NMU: variants seen among roughly 807,000 people sequenced by gnomAD.
NMU encodes neuromedin U.
Under a neutral mutation model 35.4 loss-of-function variants are expected in NMU, and 29 were observed. The observed-to-expected ratio is 0.82, with a 90% CI of 0.61 to 1.12. The LOEUF (loss-of-function observed/expected upper bound fraction) is 1.12, where lower values mean the gene tolerates loss of function less well. Among genes scored for constraint, NMU ranks in the 50% most tolerant of loss-of-function variants. NMU has a pLI of 0.00. For synonymous variants in NMU, 78 were observed against 81.3 expected (o/e 0.96, Z 0.22); for missense variants, 199 against 206.2 (o/e 0.97, Z 0.21).
At chr4:55,609,702 G>A (rs1316377720) in intron 3 of NMU, among the ~76,000 whole-genome samples, 1 of 152,200 alleles carries the variant, frequency 6.6e-6, no homozygotes, top group Non-Finnish European at 1.5e-5. Flanking sequence ...CCAGATTGCT[G>A]ACTGCACAGC....
chr4:55,600,159 G>T (rs74945682), intron 8 of NMU, among the ~76,000 whole-genome samples: 1 of 151,974 alleles, frequency 6.6e-6, no homozygotes, highest in African/African-American at 2.4e-5. Context: ...GAAAGTATTC[G>T]TAACTCTTCC....
chr4:55,603,212 A>G lies in NMU; in HGVS notation c.435+2063T>C, dbSNP rs903244281. 3.3e-5 allele frequency among the ~76,000 whole-genome samples: 5 copies of G among 152,090 alleles called. No individual in the cohort carries two copies. In the East Asian group the frequency reaches 9.7e-4, roughly 29 times the overall value. On this transcript the variant is annotated intron_variant, in intron 7 of 9. Coordinates refer to ENST00000264218, the MANE Select transcript of NMU (RefSeq NM_006681.4). The stretch of plus-strand genomic sequence containing the variant: ...TTTTTAGTAGAGACGGGATTTCATC[A>G]TGATGGACAGGCTGGTCTCAAACTC...
intron 2 of NMU, among the ~76,000 whole-genome samples, chr4:55,618,940 G>T: frequency 6.7e-6 from 1 of 149,050 alleles, no homozygotes; most frequent in East Asian, 2.0e-4. Flanking sequence ...TACAATAAGG[G>T]CTCACTGCAG....
chr4:55,604,679 A>AT lies in NMU; in HGVS notation c.435+595dup, dbSNP rs767568542. 3.1e-3 allele frequency among the ~76,000 whole-genome samples: 149 copies of AT among 47,608 alleles called. 8 individuals are homozygous for AT. The highest frequency in any genetic ancestry group is 0.011 in the African/African-American group (96 of 8,584). 31.2% of individuals were successfully genotyped at this position (47,608 alleles called of 152,430 possible). A position where few individuals can be genotyped will look rare whatever the true frequency, so the allele number is the denominator to read the frequency against. On this transcript the variant is annotated intron_variant, in intron 7 of 9. Transcript: ENST00000264218. ...AGGCATGCGCCAATATGCCTGGCTAATTTTTTTTTTTTTTTTTTTTTTTTT... is the reference window on the plus strand; with the variant it reads ...AGGCATGCGCCAATATGCCTGGCTAATTTTTTTTTTTTTTTTTTTTTTTTTT...
intron 9 of NMU, among the ~76,000 whole-genome samples, chr4:55,597,771 T>C (rs1287200058): frequency 6.6e-6 from 1 of 152,190 alleles, no homozygotes; most frequent in African/African-American, 2.4e-5. Flanking sequence ...ACCTACTTTA[T>C]TAGACAATCC....
At chr4:55,610,679 G>C (rs1733896645) in intron 3 of NMU, among the ~76,000 whole-genome samples, 1 of 152,006 alleles carries the variant, frequency 6.6e-6, no homozygotes, top group African/African-American at 2.4e-5. Context: ...AAATTCTTGG[G>C]ATATTTATTA....
chr4:55,614,762 G>C (rs1471092778), intron 3 of NMU, among the ~76,000 whole-genome samples: 1 of 152,162 alleles, frequency 6.6e-6, no homozygotes, highest in Non-Finnish European at 1.5e-5. Context: ...TAGTACTAAA[G>C]AACTAGAAGT....
At position 55,607,353 on chromosome 4, in the gene NMU, T is replaced by C. The variant is rs1276244276; in HGVS notation, c.310-5A>G. ...CTTCGAATAATGAAATAAGAACTGT[T>C]TAAAAAAAGCAGTAAGTTTTACTAT... On this transcript the variant is annotated splice_region_variant and splice_polypyrimidine_tract_variant and intron_variant, in intron 5 of 9. Transcript: ENST00000264218. 3 of 1,599,326 alleles carry C rather than the reference T, an allele frequency of 1.9e-6. No individual in the cohort carries two copies. The highest frequency in any genetic ancestry group is 1.7e-6 in the Non-Finnish European group (2 of 1,167,234).
At chr4:55,601,594 T>A (rs1052367781) in intron 7 of NMU, among the ~76,000 whole-genome samples, 2 of 152,080 alleles carry the variant, frequency 1.3e-5, no homozygotes, top group Non-Finnish European at 2.9e-5. Flanking sequence ...AAAATATGTA[T>A]AACTATAATA....
intron 3 of NMU, among the ~76,000 whole-genome samples, chr4:55,614,326 T>G (rs908082931): frequency 6.6e-6 from 1 of 152,134 alleles, no homozygotes; most frequent in African/African-American, 2.4e-5. Flanking sequence ...ACCATATTTA[T>G]ATGGTTTTTA....
chr4:55,595,641 A>T (rs202058621), intron 9 of NMU, among the ~76,000 whole-genome samples: 6,473 of 63,034 alleles, frequency 0.1, 226 homozygotes, highest in East Asian at 0.17. Context: ...ATATATATAT[A>T]TATTTTTTTT....
chr4:55,633,181 C>G (rs1236915235), intron 1 of NMU, among the ~76,000 whole-genome samples: 2 of 151,690 alleles, frequency 1.3e-5, no homozygotes, highest in Non-Finnish European at 2.9e-5. Context: ...AAAAATTAGC[C>G]GGGCATGGTG....
chr4:55,636,359 C>A, upstream of NMU: 2 of 1,058,680 alleles, frequency 1.9e-6, no homozygotes, highest in South Asian at 5.2e-5. This position sits in a 1 kb window ranked among gnomAD's most constrained non-coding sequence, Gnocchi z 4.0. Flanking sequence ...GCTGCGCGGT[C>A]CCCGCCGCGC....
intron 7 of NMU, among the ~76,000 whole-genome samples, chr4:55,604,211 G>A (rs1299108942): frequency 9.4e-5 from 14 of 149,072 alleles, no homozygotes; most frequent in Admixed American, 6.7e-4. Context: ...GATCACAGGC[G>A]CCCACCGCCA....
chr4:55,619,568 G>T lies in NMU; in HGVS notation c.172-3183C>A, dbSNP rs1398282908. 2.1e-4 allele frequency among the ~76,000 whole-genome samples: 30 copies of T among 141,214 alleles called. 1 individual carries two copies. The East Asian group carries it at 5.7e-3, about 27-fold the overall frequency. The allele number at this position is 141,214 out of a possible 152,430, so 92.6% of individuals were successfully genotyped here. ...ACAGCAGTCTGAGATCAAACTGCAA[G>T]GCGGCAGCGAGGCTGGGGGAGGGGC... On this transcript the variant is annotated intron_variant, in intron 2 of 9. Coordinates refer to ENST00000264218, the MANE Select transcript of NMU (RefSeq NM_006681.4).
At chr4:55,604,993 T>G (rs1733620321) in intron 7 of NMU, among the ~76,000 whole-genome samples, 3 of 152,134 alleles carry the variant, frequency 2.0e-5, no homozygotes, top group Admixed American at 1.3e-4. Flanking sequence ...AGAATAGATT[T>G]TCTCACCAAA....
Position 55,616,340 on chromosome 4 carries a change from G to A in NMU, c.217C>T (p.Gln73Ter), listed in dbSNP as rs374011452. 5.0e-6 allele frequency: 8 copies of A among 1,610,124 alleles called. No individual in the cohort carries two copies. Among genetic ancestry groups the A allele is most frequent in the Non-Finnish European group, 6.8e-6 (8 of 1,176,584 alleles). The change falls in exon 3 of 10, where the codon CAG (glutamine) becomes TAG (stop). Residue 73 changes from glutamine (Q) to a stop codon, truncating the protein, a stop_gained and splice_region_variant. Coordinates refer to ENST00000264218, the MANE Select transcript of NMU (RefSeq NM_006681.4). LOFTEE classifies it high-confidence loss of function. The part of the protein sequence containing the change: ...SSFLSIDSQP[Q>*]ASNALEELCF... ...AAAATATCTTCAATTGGAATTACCT[G>A]AGGCTGAGAATCAATGGACAGAAAA...
chr4:55,601,775 C>T (rs2110183017), intron 7 of NMU, among the ~76,000 whole-genome samples: 1 of 151,924 alleles, frequency 6.6e-6, no homozygotes. Flanking sequence ...TCACTTGAGC[C>T]CAGGAGTTTG....
chr4:55,635,742 T>C (rs1715875761), intron 1 of NMU, among the ~76,000 whole-genome samples: 1 of 152,252 alleles, frequency 6.6e-6, no homozygotes, highest in African/African-American at 2.4e-5. Flanking sequence ...ACTATTTTAG[T>C]ACCCGTTTCC....
Sources: allele counts gnomAD v4.1 joint callset (sites outside exome capture counted in the v4.1 genomes callset), GRCh38; gene constraint gnomAD v4.1.1; non-coding constraint Gnocchi (gnomAD v3.1); transcripts MANE v1.5; gene names NCBI Gene and HGNC (gene_info 2026-07-23, HGNC 2026-07-21).